ANKRD6: variants seen among roughly 807,000 people sequenced by gnomAD.
The protein encoded by ANKRD6 is ankyrin repeat domain-containing protein 6.
A neutral mutation model predicts 82.3 loss-of-function variants in ANKRD6; 56 were observed. The ratio of observed to expected loss-of-function variants is 0.68; its 90% CI spans 0.55 to 0.85. ANKRD6 has a LOEUF of 0.85. Among genes scored for constraint, ANKRD6 ranks in the 40% least tolerant of loss-of-function variants. The pLI is 0.00. For synonymous variants in ANKRD6, 347 were observed against 352.1 expected (o/e 0.99, Z 0.16); for missense variants, 852 against 907.6 (o/e 0.94, Z 0.79).
chr6:89,559,954 T>C (rs868538367), intron 1 of ANKRD6, among the ~76,000 whole-genome samples: 3 of 152,182 alleles, frequency 2.0e-5, no homozygotes, highest in Admixed American at 6.5e-5. Flanking sequence ...TGAAGACCAA[T>C]TGATGACTAA....
intron 1 of ANKRD6, among the ~76,000 whole-genome samples, chr6:89,531,651 C>G (rs1783157824): frequency 6.6e-6 from 1 of 152,218 alleles, no homozygotes; most frequent in African/African-American, 2.4e-5. Context: ...TCCAAAATGC[C>G]CTCCTGGGGT....
Position 89,630,499 on chromosome 6 carries a change from G to A in ANKRD6, c.1679G>A (p.Arg560Lys), listed in dbSNP as rs1248493648. The change falls in exon 16 of 16, where the codon AGG becomes AAG. Residue 560 changes from arginine (R) to lysine (K), a missense_variant. By Grantham distance (26) the Arg-to-Lys change is conservative. Coordinates refer to ENST00000339746, the MANE Select transcript of ANKRD6 (RefSeq NM_001242809.2). ...AASDSSPPVVRPKEKALNSTA... is the reference protein window; with the variant it reads ...AASDSSPPVVKPKEKALNSTA... The stretch of plus-strand genomic sequence containing the variant: ...TCCGACAGCTCCCCTCCAGTGGTTA[G>A]GCCCAAAGAGAAGGCCCTCAACTCC... 1 of 1,613,932 alleles carries A rather than the reference G, an allele frequency of 6.2e-7. No individual in the cohort carries two copies. Among genetic ancestry groups the A allele is most frequent in the African/African-American group, 1.3e-5 (1 of 74,944 alleles).
chr6:89,592,156 G>A (rs1009829118), intron 2 of ANKRD6, among the ~76,000 whole-genome samples: 3 of 152,212 alleles, frequency 2.0e-5, no homozygotes, highest in African/African-American at 7.2e-5. Context: ...GGACCCTCCA[G>A]CCATAGCCCT....
rs1004345831 is a variant in ANKRD6, at chr6:89,525,897, G to A, written c.-143-40937G>A. Among the ~76,000 whole-genome samples the A allele has an allele frequency of 4.6e-5, 7 of 152,348 alleles. 1 individual carries two copies. The South Asian group carries it at 1.0e-3, about 23-fold the overall frequency. On this transcript the variant is annotated intron_variant, in intron 1 of 15. Transcript: ENST00000339746. ...AGTTGCTTATCAGGAAAGAATGTAT[G>A]TAAGTCCCATTCTCTGTCCAATTGG...
chr6:89,535,704 T>C (rs776909499), intron 1 of ANKRD6, among the ~76,000 whole-genome samples: 1 of 152,204 alleles, frequency 6.6e-6, no homozygotes, highest in African/African-American at 2.4e-5. Context: ...ACAACAGCAC[T>C]TGACCTGTCC....
At chr6:89,472,977 A>AT (rs1017308234) in intron 1 of ANKRD6, among the ~76,000 whole-genome samples, 3 of 152,026 alleles carry the variant, frequency 2.0e-5, no homozygotes, top group East Asian at 1.9e-4. Flanking sequence ...AGATTATTAG[A>AT]TTTTTTTTCC....
intron 6 of ANKRD6, among the ~76,000 whole-genome samples, chr6:89,613,589 A>T (rs961214507): frequency 2.6e-5 from 4 of 152,238 alleles, no homozygotes; most frequent in African/African-American, 9.6e-5. Flanking sequence ...GTTGTTCTGC[A>T]CAGGCAGAAA....
Position 89,512,105 on chromosome 6 carries a change from A to G in ANKRD6, c.-143-54729A>G, listed in dbSNP as rs368988614. On this transcript the variant is annotated intron_variant, in intron 1 of 15. Transcript: ENST00000339746. ...TAGGTATGCTCCTGATTGTGGGGTT[A>G]CCTTGACTGTTCTTTGAGTCCTGGA... 4.1e-4 allele frequency among the ~76,000 whole-genome samples: 62 copies of G among 152,254 alleles called. No homozygotes were observed. The South Asian group carries it at 0.011, about 28-fold the overall frequency.
intron 1 of ANKRD6, among the ~76,000 whole-genome samples, chr6:89,563,307 A>G (rs1323555340): frequency 2.0e-5 from 3 of 152,216 alleles, no homozygotes; most frequent in Non-Finnish European, 4.4e-5. Context: ...GGCTGGGAGG[A>G]TGGAGGGAAA....
At chr6:89,572,201 A>G (rs1315007182) in intron 2 of ANKRD6, among the ~76,000 whole-genome samples, 3 of 152,200 alleles carry the variant, frequency 2.0e-5, no homozygotes, top group African/African-American at 7.2e-5. Context: ...TTGCTTCCCA[A>G]TTTTGGTAAT....
At chr6:89,614,849 A>AC (rs1387819526) in intron 7 of ANKRD6, among the ~76,000 whole-genome samples, 3 of 147,652 alleles carry the variant, frequency 2.0e-5, no homozygotes, top group Admixed American at 6.7e-5. Context: ...AAAAAAAAAA[A>AC]AACAAAAAAA....
intron 1 of ANKRD6, among the ~76,000 whole-genome samples, chr6:89,488,866 A>ATCTATTCCAT (rs1777678545): frequency 7.0e-6 from 1 of 143,114 alleles, no homozygotes; most frequent in Non-Finnish European, 1.5e-5. Context: ...AAATATATCG[A>ATCTATTCCAT]TCTATTCTAT....
intron 1 of ANKRD6, among the ~76,000 whole-genome samples, chr6:89,554,416 C>T (rs2128038518): frequency 6.7e-6 from 1 of 150,100 alleles, no homozygotes. Flanking sequence ...CCAGATAATC[C>T]AGGACATCAA....
At chr6:89,545,322 C>G (rs370667813) in intron 1 of ANKRD6, among the ~76,000 whole-genome samples, 1 of 152,004 alleles carries the variant, frequency 6.6e-6, no homozygotes, top group East Asian at 1.9e-4. Context: ...ATGTCCTTAT[C>G]GCAAGTATCA....
intron 1 of ANKRD6, among the ~76,000 whole-genome samples, chr6:89,502,426 G>A (rs946119608): frequency 1.7e-4 from 26 of 152,068 alleles, no homozygotes; most frequent in Non-Finnish European, 3.1e-4. Flanking sequence ...CAGGTGGATC[G>A]CTTGAGCCCA....
At chr6:89,571,127 C>CT (rs1789781701) in intron 2 of ANKRD6, among the ~76,000 whole-genome samples, 1 of 152,198 alleles carries the variant, frequency 6.6e-6, no homozygotes, top group South Asian at 2.1e-4. Flanking sequence ...TCTTGGCTCA[C>CT]TGCAAGCTCC....
At chr6:89,626,536 G>A (rs1805758912) in intron 13 of ANKRD6, among the ~76,000 whole-genome samples, 1 of 152,222 alleles carries the variant, frequency 6.6e-6, no homozygotes, top group South Asian at 2.1e-4. Flanking sequence ...GGAAAACATG[G>A]ACTGAAGAGA....
intron 1 of ANKRD6, among the ~76,000 whole-genome samples, chr6:89,467,114 G>T (rs527276320): frequency 2.0e-5 from 3 of 151,892 alleles, no homozygotes; most frequent in African/African-American, 7.2e-5. Context: ...AGCTGAGGCA[G>T]GAGTAGTACT....
chr6:89,523,223 A>G (rs150389958), intron 1 of ANKRD6, among the ~76,000 whole-genome samples: 4 of 152,292 alleles, frequency 2.6e-5, no homozygotes, highest in African/African-American at 9.6e-5. Context: ...CAAGATTAGC[A>G]TCTTCCCTTT....
Sources: allele counts gnomAD v4.1 joint callset (sites outside exome capture counted in the v4.1 genomes callset), GRCh38; gene constraint gnomAD v4.1.1; transcripts MANE v1.5; gene names NCBI Gene and HGNC (gene_info 2026-07-23, HGNC 2026-07-21).